Variants in AUTS2 observed in about 807,000 individuals in gnomAD.
AUTS2 encodes autism susceptibility gene 2 protein.
Under a neutral mutation model 112.4 loss-of-function variants are expected in AUTS2, and 17 were observed. The observed-to-expected ratio is 0.15, with a 90% CI of 0.10 to 0.23. The LOEUF (loss-of-function observed/expected upper bound fraction) is 0.23, where lower values mean the gene tolerates loss of function less well. Among genes scored for constraint, AUTS2 ranks in the 10% least tolerant of loss-of-function variants. The pLI is 1.00. For synonymous variants in AUTS2, 751 were observed against 702.7 expected (o/e 1.07, Z -1.09); for missense variants, 1,510 against 1,701.6 (o/e 0.89, Z 1.98).
chr7:70,442,236 T>C (rs913962445), intron 5 of AUTS2, among the ~76,000 whole-genome samples: 9 of 152,152 alleles, frequency 5.9e-5, no homozygotes, highest in Admixed American at 5.2e-4. Context: ...AAAATTTGCA[T>C]TTTCTTTCCT....
At chr7:70,496,718 C>CT (rs2116544618) in intron 5 of AUTS2, among the ~76,000 whole-genome samples, 1 of 132,154 alleles carries the variant, frequency 7.6e-6, no homozygotes, top group East Asian at 2.5e-4. Context: ...ACGCACACAC[C>CT]CCACACATGC....
At chr7:70,413,268 A>G (rs1170800432) in intron 4 of AUTS2, among the ~76,000 whole-genome samples, 4 of 152,228 alleles carry the variant, frequency 2.6e-5, no homozygotes, top group Non-Finnish European at 4.4e-5. Flanking sequence ...TCACCTATCT[A>G]GAATATAAGT....
chr7:69,648,771 T>G (rs969766825), intron 1 of AUTS2, among the ~76,000 whole-genome samples: 2 of 152,168 alleles, frequency 1.3e-5, no homozygotes, highest in African/African-American at 4.8e-5. Context: ...ACGTCTTACA[T>G]TCTTGCCTTT....
intron 1 of AUTS2, among the ~76,000 whole-genome samples, chr7:69,679,119 C>A (rs749546073): frequency 2.4e-4 from 36 of 152,176 alleles, no homozygotes; most frequent in Non-Finnish European, 4.4e-4. Context: ...TTTAAACTTA[C>A]TTCACAATAA....
chr7:70,654,319 A>T (rs566964091), intron 5 of AUTS2, among the ~76,000 whole-genome samples: 1 of 152,366 alleles, frequency 6.6e-6, no homozygotes, highest in African/African-American at 2.4e-5. Flanking sequence ...CAGTCTCTGT[A>T]GCAACTACCC....
chr7:69,882,874 C>G (rs1202828340), intron 1 of AUTS2, among the ~76,000 whole-genome samples: 1 of 152,088 alleles, frequency 6.6e-6, no homozygotes, highest in Non-Finnish European at 1.5e-5. Context: ...CCAAATGTAA[C>G]CTTTTAGAAT....
At chr7:70,057,932 T>C (rs557149133) in intron 2 of AUTS2, among the ~76,000 whole-genome samples, 1 of 152,284 alleles carries the variant, frequency 6.6e-6, no homozygotes, top group South Asian at 2.1e-4. Context: ...CTTTAAGGGT[T>C]CTCATGGTAA....
chr7:70,004,965 C>T (rs1320569875), intron 2 of AUTS2, among the ~76,000 whole-genome samples: 2 of 151,884 alleles, frequency 1.3e-5, no homozygotes, highest in Admixed American at 1.3e-4. Context: ...GCTGGGATTA[C>T]AGGCACCTAC....
chr7:70,327,042 C>T (rs1284375716), intron 4 of AUTS2, among the ~76,000 whole-genome samples: 1 of 151,788 alleles, frequency 6.6e-6, no homozygotes, highest in Non-Finnish European at 1.5e-5. Context: ...CTCAGCCTCC[C>T]AGGTAGCTGG....
intron 4 of AUTS2, among the ~76,000 whole-genome samples, chr7:70,429,984 G>A (rs991645687): frequency 6.6e-6 from 1 of 152,094 alleles, no homozygotes; most frequent in South Asian, 2.1e-4. Flanking sequence ...TAGAAATTTA[G>A]GAAATCCACT....
chr7:70,325,643 C>T (rs995505465), intron 4 of AUTS2, among the ~76,000 whole-genome samples: 1 of 152,150 alleles, frequency 6.6e-6, no homozygotes, highest in African/African-American at 2.4e-5. Flanking sequence ...CCTGGTCACT[C>T]CAACCCCACC....
chr7:70,649,710 A>G (rs1806390243), intron 5 of AUTS2, among the ~76,000 whole-genome samples: 1 of 151,906 alleles, frequency 6.6e-6, no homozygotes, highest in Non-Finnish European at 1.5e-5. Context: ...TTGTATTTTT[A>G]GTAGAGATGG....
At position 70,209,802 on chromosome 7, in the gene AUTS2, A is replaced by G. The variant is rs1316052982; in HGVS notation, c.660+75231A>G. Among the ~76,000 whole-genome samples, 6 of 152,212 alleles carry G rather than the reference A, an allele frequency of 3.9e-5. No homozygotes were observed. The Middle Eastern group carries it at 0.01, about 259-fold the overall frequency. ...TAATGAAACAAAAAATTAACCTAGCACCCAAGGTGTTTCTTATAGTTGGTC... is the reference window on the plus strand; with the variant it reads ...TAATGAAACAAAAAATTAACCTAGCGCCCAAGGTGTTTCTTATAGTTGGTC... On this transcript the variant is annotated intron_variant, in intron 4 of 18. Transcript: ENST00000342771.
At chr7:70,431,693 G>A (rs1177367206) in intron 4 of AUTS2, among the ~76,000 whole-genome samples, 1 of 152,200 alleles carries the variant, frequency 6.6e-6, no homozygotes, top group Non-Finnish European at 1.5e-5. Flanking sequence ...CCGTAAATTT[G>A]TATTTTCAAA....
intron 2 of AUTS2, among the ~76,000 whole-genome samples, chr7:70,087,934 AT>A (rs1803696795): frequency 6.6e-6 from 1 of 151,766 alleles, no homozygotes. Flanking sequence ...CTTAAGTAAC[AT>A]TTGGTAGTTT....
In AUTS2 at chr7:70,750,263, C is replaced by T. The variant is rs544807694; in HGVS notation, c.743-12607C>T. 9.1e-4 allele frequency among the ~76,000 whole-genome samples: 138 copies of T among 151,478 alleles called. 1 individual carries two copies. Among genetic ancestry groups the T allele is most frequent in the African/African-American group, 3.2e-3 (130 of 41,222 alleles). On this transcript the variant is annotated intron_variant, in intron 6 of 18. Transcript: ENST00000342771. ...GTGCATGGTACAGGTGACTCGGGTG[C>T]GGAGAGTATGTGTGTGTAGGGCCAG... is the stretch of plus-strand genomic sequence containing the variant.
At chr7:70,672,100 T>A (rs188845987) in intron 5 of AUTS2, among the ~76,000 whole-genome samples, 1 of 152,246 alleles carries the variant, frequency 6.6e-6, no homozygotes, top group East Asian at 1.9e-4. Flanking sequence ...CCCAATGAGG[T>A]CATCTGTAGA....
At chr7:70,510,250 C>T (rs572777938) in intron 5 of AUTS2, among the ~76,000 whole-genome samples, 2 of 152,332 alleles carry the variant, frequency 1.3e-5, no homozygotes, top group East Asian at 1.9e-4. Flanking sequence ...TTTTCCTTAG[C>T]GAAGCCCTTC....
At chr7:70,452,583 A>G (rs1796579586) in intron 5 of AUTS2, among the ~76,000 whole-genome samples, 1 of 152,152 alleles carries the variant, frequency 6.6e-6, no homozygotes, top group Non-Finnish European at 1.5e-5. Flanking sequence ...CATAACACAC[A>G]TTAGCAAGAT....
Sources: gnomAD v4.1 joint callset for allele counts (sites outside exome capture counted in the v4.1 genomes callset) on GRCh38, gnomAD v4.1.1 for gene constraint, MANE v1.5 for transcripts, NCBI Gene and HGNC (gene_info 2026-07-23, HGNC 2026-07-21) for gene names.